CA8: variants seen among roughly 807,000 people sequenced by gnomAD.
CA8 encodes the protein carbonic anhydrase-related protein.
A neutral mutation model predicts 41.4 loss-of-function variants in CA8; 22 were observed. The observed-to-expected ratio is 0.53, with a 90% CI of 0.38 to 0.76. The LOEUF (loss-of-function observed/expected upper bound fraction) is 0.76. CA8 is among the 30% of genes least tolerant of loss of function. The pLI, the probability that CA8 is intolerant of heterozygous loss-of-function variation, is 0.00. For missense variants in CA8, 270 were observed against 352.8 expected (o/e 0.77, Z 1.88); for synonymous variants, 121 against 130.6 (o/e 0.93, Z 0.50).
chr8:60,200,939 C>T (rs1316077332), intron 8 of CA8, among the ~76,000 whole-genome samples: 1 of 152,080 alleles, frequency 6.6e-6, no homozygotes, highest in Non-Finnish European at 1.5e-5. Context: ...CTTGCCATAA[C>T]AATCCTATGT....
intron 8 of CA8, among the ~76,000 whole-genome samples, chr8:60,201,765 T>C (rs1361533828): frequency 6.6e-6 from 1 of 152,210 alleles, no homozygotes; most frequent in African/African-American, 2.4e-5. Flanking sequence ...TGACAAATAT[T>C]TATTTGTAAG....
At chr8:60,258,297 C>T (rs1392208240) in intron 3 of CA8, among the ~76,000 whole-genome samples, 13 of 152,208 alleles carry the variant, frequency 8.5e-5, no homozygotes, top group Non-Finnish European at 1.9e-4. Context: ...TCTCGTTAAT[C>T]TCTTACTGTG....
At chr8:60,205,118 T>C (rs542954347) in intron 8 of CA8, among the ~76,000 whole-genome samples, 1 of 152,320 alleles carries the variant, frequency 6.6e-6, no homozygotes, top group South Asian at 2.1e-4. Flanking sequence ...ATGGGACTAT[T>C]TGGAGATGCT....
intron 7 of CA8, among the ~76,000 whole-genome samples, chr8:60,215,974 C>A (rs1429100885): frequency 2.0e-5 from 3 of 152,170 alleles, no homozygotes; most frequent in Non-Finnish European, 2.9e-5. Flanking sequence ...ATACATAAAC[C>A]TTATGGTATA....
intron 3 of CA8, among the ~76,000 whole-genome samples, chr8:60,260,941 C>T (rs1803713587): frequency 6.6e-6 from 1 of 152,102 alleles, no homozygotes; most frequent in Non-Finnish European, 1.5e-5. Flanking sequence ...CCTGGGATCT[C>T]CTTAGAATAG....
At chr8:60,253,813 C>T (rs2130557663) in intron 3 of CA8, among the ~76,000 whole-genome samples, 1 of 152,326 alleles carries the variant, frequency 6.6e-6, no homozygotes, top group Non-Finnish European at 1.5e-5. Flanking sequence ...CAAGGCCCAG[C>T]TCCAACAGCC....
chr8:60,213,934 A>G (rs536002181), intron 7 of CA8, among the ~76,000 whole-genome samples: 71 of 152,300 alleles, frequency 4.7e-4, no homozygotes, highest in African/African-American at 1.6e-3. Context: ...ATGCAGGTAC[A>G]TATGAAACAG....
intron 7 of CA8, among the ~76,000 whole-genome samples, chr8:60,215,066 G>A (rs1016256695): frequency 2.0e-5 from 3 of 152,144 alleles, no homozygotes; most frequent in South Asian, 2.1e-4. Context: ...GTGTACATAC[G>A]TATTTGCACA....
At position 60,186,190 on chromosome 8, in the gene CA8, G is replaced by A. The variant is rs11781160; in HGVS notation, c.*3831C>T. 0.29 allele frequency among the ~76,000 whole-genome samples: 43,283 copies of A among 151,556 alleles called. 6,407 individuals carry two copies. The highest frequency in any genetic ancestry group is 0.41 in the Middle Eastern group (118 of 290). ...TTGCTTAATATACATACAATTACAG[G>A]AAAAATATAACAATGTATTGTTGGG... On this transcript the variant is annotated 3_prime_UTR_variant, in exon 9 of 9. Transcript: ENST00000317995.
At chr8:60,220,048 C>G (rs964502733) in intron 7 of CA8, among the ~76,000 whole-genome samples, 4 of 151,446 alleles carry the variant, frequency 2.6e-5, no homozygotes, top group African/African-American at 9.7e-5. Flanking sequence ...CATATTTATG[C>G]TTGGTCCCTC....
At chr8:60,268,483 A>G (rs1341138407) in intron 2 of CA8, among the ~76,000 whole-genome samples, 2 of 152,170 alleles carry the variant, frequency 1.3e-5, no homozygotes, top group Non-Finnish European at 2.9e-5. Flanking sequence ...TCAAAAATAT[A>G]CTCCCCGCAT....
At chr8:60,230,002 G>A (rs963218884) in intron 4 of CA8, among the ~76,000 whole-genome samples, 1 of 152,206 alleles carries the variant, frequency 6.6e-6, no homozygotes. Context: ...TCCCAAGGGG[G>A]TTTCCCTCAG....
intron 3 of CA8, among the ~76,000 whole-genome samples, chr8:60,252,393 G>T (rs1002208439): frequency 6.6e-6 from 1 of 152,206 alleles, no homozygotes; most frequent in East Asian, 1.9e-4. Context: ...AAGACCATCG[G>T]ACTTTAAATG....
At chr8:60,237,012 C>T (rs576333597) in intron 3 of CA8, among the ~76,000 whole-genome samples, 15 of 152,308 alleles carry the variant, frequency 9.8e-5, no homozygotes, top group African/African-American at 3.4e-4. Context: ...ACTTCAAAGC[C>T]TAACCGCCCA....
chr8:60,206,125 T>C (rs1806568481), intron 8 of CA8, among the ~76,000 whole-genome samples: 2 of 152,224 alleles, frequency 1.3e-5, no homozygotes, highest in Non-Finnish European at 2.9e-5. Flanking sequence ...ATTAGTCACC[T>C]TAGAATTCCT....
At chr8:60,209,388 G>A (rs1050569815) in intron 7 of CA8, among the ~76,000 whole-genome samples, 4 of 152,150 alleles carry the variant, frequency 2.6e-5, no homozygotes, top group Non-Finnish European at 5.9e-5. Flanking sequence ...GGAGGCTGAG[G>A]CAGGAGAAAT....
chr8:60,263,531 A>C (rs1422734749), intron 3 of CA8, among the ~76,000 whole-genome samples: 1 of 152,138 alleles, frequency 6.6e-6, no homozygotes, highest in Non-Finnish European at 1.5e-5. Flanking sequence ...ACCTCAAAAA[A>C]AACAAAAAAC....
At chr8:60,222,887 A>C (rs1807300386) in intron 6 of CA8, 126 bp from the exon 7 acceptor site, 2 of 712,790 alleles carry the variant, frequency 2.8e-6, no homozygotes, top group Admixed American at 2.0e-5. Flanking sequence ...TGTCATTTTT[A>C]AACTAGAGCC....
intron 6 of CA8, among the ~76,000 whole-genome samples, chr8:60,223,396 G>A (rs772317670): frequency 8.6e-5 from 13 of 152,020 alleles, no homozygotes; most frequent in East Asian, 1.9e-4. Context: ...GGGCTCAAGC[G>A]ATCATCTCAC....
Sources: gnomAD v4.1 joint callset for allele counts (sites outside exome capture counted in the v4.1 genomes callset) on GRCh38, gnomAD v4.1.1 for gene constraint, MANE v1.5 for transcripts, NCBI Gene and HGNC (gene_info 2026-07-23, HGNC 2026-07-21) for gene names.